IMMP2L: variants seen among roughly 807,000 people sequenced by gnomAD.
IMMP2L encodes the protein inner mitochondrial membrane peptidase subunit 2.
Under a neutral mutation model 19.3 loss-of-function variants are expected in IMMP2L, and 18 were observed. That is an observed-to-expected ratio of 0.93 (90% CI 0.64 to 1.38). The LOEUF is 1.38. Ranked by LOEUF, IMMP2L falls within the 40% of genes most tolerant of loss-of-function variation. The pLI is 0.00. For synonymous variants in IMMP2L, 76 were observed against 73.0 expected (o/e 1.04, Z -0.21); for missense variants, 233 against 218.2 (o/e 1.07, Z -0.43).
chr7:111,243,594 C>A (rs28718332), intron 3 of IMMP2L, among the ~76,000 whole-genome samples: 87 of 134,928 alleles, frequency 6.4e-4, no homozygotes, highest in African/African-American at 2.4e-3. Context: ...TATACATGTG[C>A]CATGCTGGTG....
intron 3 of IMMP2L, among the ~76,000 whole-genome samples, chr7:111,318,821 T>C (rs897625652): frequency 6.6e-6 from 1 of 152,156 alleles, no homozygotes. Flanking sequence ...ATATTTCAAC[T>C]ATGGAAGTAA....
chr7:111,418,353 T>C (rs1209848553), intron 3 of IMMP2L, among the ~76,000 whole-genome samples: 1 of 151,844 alleles, frequency 6.6e-6, no homozygotes, highest in East Asian at 1.9e-4. Flanking sequence ...AAAATATATA[T>C]TCACTAATTA....
At chr7:111,219,280 CTTTG>C (rs1399837163) in intron 3 of IMMP2L, among the ~76,000 whole-genome samples, 1 of 151,748 alleles carries the variant, frequency 6.6e-6, no homozygotes, top group Non-Finnish European at 1.5e-5. Context: ...AACTTTTTTT[CTTTG>C]TTTGAGGCAC....
intron 3 of IMMP2L, among the ~76,000 whole-genome samples, chr7:111,140,969 G>C (rs1276098775): frequency 6.6e-6 from 1 of 152,110 alleles, no homozygotes; most frequent in East Asian, 1.9e-4. Flanking sequence ...ATGAGACATA[G>C]TACAGAACTT....
intron 5 of IMMP2L, among the ~76,000 whole-genome samples, chr7:110,715,729 C>T (rs887575362): frequency 3.4e-5 from 5 of 147,674 alleles, no homozygotes; most frequent in African/African-American, 7.5e-5. Context: ...GTGTAGGCTG[C>T]GATTGATGGG....
intron 4 of IMMP2L, among the ~76,000 whole-genome samples, chr7:110,930,188 C>T (rs1815309290): frequency 6.6e-6 from 1 of 152,134 alleles, no homozygotes; most frequent in African/African-American, 2.4e-5. Context: ...GCCTTTACTT[C>T]CTTTTCATAT....
intron 5 of IMMP2L, among the ~76,000 whole-genome samples, chr7:110,764,677 T>G (rs1406051): frequency 0.95 from 144,791 of 152,108 alleles, 68,921 homozygotes; most frequent in East Asian, 0.98. Flanking sequence ...AAATGTAGGA[T>G]AATGAATATG....
At chr7:110,876,421 C>T (rs1259206028) in intron 5 of IMMP2L, among the ~76,000 whole-genome samples, 1 of 152,082 alleles carries the variant, frequency 6.6e-6, no homozygotes, top group Non-Finnish European at 1.5e-5. Flanking sequence ...ATGAACAAGA[C>T]TGGATTGCCA....
chr7:110,703,014 T>C (rs1794392413), intron 5 of IMMP2L, among the ~76,000 whole-genome samples: 3 of 152,332 alleles, frequency 2.0e-5, no homozygotes, highest in African/African-American at 4.8e-5. Flanking sequence ...TGATGCTTTA[T>C]AGCCATGAAG....
chr7:111,223,184 A>C (rs1455240152), intron 3 of IMMP2L, among the ~76,000 whole-genome samples: 2 of 152,012 alleles, frequency 1.3e-5, no homozygotes, highest in Non-Finnish European at 2.9e-5. Flanking sequence ...ATGATCAGTA[A>C]ATTCAGAATG....
chr7:111,460,061 A>G (rs550246295), intron 3 of IMMP2L, among the ~76,000 whole-genome samples: 2 of 152,230 alleles, frequency 1.3e-5, no homozygotes, highest in South Asian at 4.1e-4. Flanking sequence ...AAACCAGGCA[A>G]TATGCTTTAT....
chr7:110,851,408 A>C (rs1563024629), intron 5 of IMMP2L, among the ~76,000 whole-genome samples: 1 of 152,154 alleles, frequency 6.6e-6, no homozygotes, highest in Non-Finnish European at 1.5e-5. Flanking sequence ...CCATAAGCAA[A>C]CTTTGGCCAA....
At position 110,950,909 on chromosome 7, in the gene IMMP2L, A is replaced by AATAT. The variant is rs140171036; in HGVS notation, c.305+12587_305+12590dup. On this transcript the variant is annotated intron_variant, in intron 4 of 5. Transcript: ENST00000405709. ...ACCAAGTTCATGTATATATATGCCA[A>AATAT]ATATATATATATATGAACTTCAAAT... Among the ~76,000 whole-genome samples, 547 of 142,888 alleles carry AATAT rather than the reference A, an allele frequency of 3.8e-3. 3 individuals carry two copies. The highest frequency in any genetic ancestry group is 0.013 in the African/African-American group (494 of 38,070). The allele number at this position is 142,888 out of a possible 152,430, so 93.7% of individuals were successfully genotyped here.
chr7:111,004,463 C>A (rs1824076504), intron 3 of IMMP2L, among the ~76,000 whole-genome samples: 1 of 152,112 alleles, frequency 6.6e-6, no homozygotes, highest in South Asian at 2.1e-4. Flanking sequence ...ACACACCTAG[C>A]CTGTTTAATT....
At chr7:110,790,577 A>G (rs930604620) in intron 5 of IMMP2L, among the ~76,000 whole-genome samples, 1 of 151,722 alleles carries the variant, frequency 6.6e-6, no homozygotes, top group African/African-American at 2.4e-5. Flanking sequence ...GTAGAGCTGA[A>G]CAGACATGAT....
intron 5 of IMMP2L, among the ~76,000 whole-genome samples, chr7:110,681,055 A>C (rs1584486439): frequency 7.5e-6 from 1 of 133,726 alleles, no homozygotes; most frequent in African/African-American, 2.6e-5. Flanking sequence ...GTAAGGATTA[A>C]AAAAAAAAAC....
At chr7:111,087,958 T>G (rs1300566785) in intron 3 of IMMP2L, among the ~76,000 whole-genome samples, 1 of 152,174 alleles carries the variant, frequency 6.6e-6, no homozygotes, top group East Asian at 1.9e-4. Flanking sequence ...AAAAATGACA[T>G]GCAGAGATAA....
intron 5 of IMMP2L, among the ~76,000 whole-genome samples, chr7:110,672,894 C>T (rs1344933197): frequency 5.9e-5 from 9 of 152,298 alleles, no homozygotes; most frequent in African/African-American, 1.7e-4. Context: ...TGAGTGTCTG[C>T]AGCTTTTCCA....
chr7:110,695,137 T>C (rs146995498), intron 5 of IMMP2L, among the ~76,000 whole-genome samples: 1 of 152,244 alleles, frequency 6.6e-6, no homozygotes, highest in East Asian at 1.9e-4. Flanking sequence ...GAAGTAGACA[T>C]AGTGGTTGTA....
Sources: gnomAD v4.1 joint callset for allele counts (sites outside exome capture counted in the v4.1 genomes callset) on GRCh38, gnomAD v4.1.1 for gene constraint, MANE v1.5 for transcripts, NCBI Gene and HGNC (gene_info 2026-07-23, HGNC 2026-07-21) for gene names.